The following PHACTR4 variants were observed in gnomAD, a reference collection of about 807,000 sequenced individuals.
PHACTR4 encodes the protein protein phosphatase 1, regulatory subunit 124.
A neutral mutation model predicts 72.7 loss-of-function variants in PHACTR4; 51 were observed. The observed-to-expected ratio is 0.70, with a 90% confidence interval of 0.56 to 0.89. PHACTR4 has a LOEUF of 0.89. Among genes scored for constraint, PHACTR4 ranks in the 40% least tolerant of loss-of-function variants. The probability of loss-of-function intolerance (pLI) is 0.00; values close to 1 mark genes in which losing one functional copy is unlikely to be tolerated. For synonymous variants in PHACTR4, 255 were observed against 302.5 expected, an observed-to-expected ratio of 0.84 and a Z score of 1.63; for missense variants, 731 against 861.8, an observed-to-expected ratio of 0.85 and a Z score of 1.90.
At chr1:28,464,760 A>G (rs1401982666) in intron 4 of PHACTR4, among the ~76,000 whole-genome samples, 2 of 151,838 alleles carry the variant, frequency 1.3e-5, no homozygotes, top group Non-Finnish European at 2.9e-5. Flanking sequence ...CTGGAGTGCA[A>G]TGACACAATC....
chr1:28,375,007 TAGA>T (rs1418249245), intron 1 of PHACTR4, among the ~76,000 whole-genome samples: 5 of 152,148 alleles, frequency 3.3e-5, no homozygotes, highest in Non-Finnish European at 5.9e-5. Flanking sequence ...TTACTACTAT[TAGA>T]AGAAGAGGCC....
intron 4 of PHACTR4, among the ~76,000 whole-genome samples, chr1:28,463,947 A>G (rs190434883): frequency 1.7e-3 from 257 of 151,468 alleles, no homozygotes; most frequent in Non-Finnish European, 2.8e-3. Context: ...TCGCAGGCTG[A>G]TCTCAAACTC....
chr1:28,480,394 T>C lies in PHACTR4; in HGVS notation c.1607-57T>C, dbSNP rs1179935267. On this transcript the variant is annotated intron_variant, in intron 8 of 13. Transcript: ENST00000373839. Reference sequence around the variant, plus strand: ...GACTCTTGACTAGCTCCAGGTAAGGTTGAACCTTTGGCTTTAAGCCTCAAG... The same window carrying C: ...GACTCTTGACTAGCTCCAGGTAAGGCTGAACCTTTGGCTTTAAGCCTCAAG... The C allele has an allele frequency of 2.0e-5, 32 of 1,596,806 alleles. No individual in the cohort carries two copies. The South Asian group carries it at 2.8e-4, about 14-fold the overall frequency.
At chr1:28,458,814 A>G (rs1374911979) in intron 2 of PHACTR4, among the ~76,000 whole-genome samples, 1 of 152,198 alleles carries the variant, frequency 6.6e-6, no homozygotes, top group Admixed American at 6.5e-5. Context: ...CGCCTTTAAA[A>G]GATTTTGAGC....
intron 1 of PHACTR4, among the ~76,000 whole-genome samples, chr1:28,390,229 A>G (rs1017508214): frequency 9.2e-5 from 14 of 152,092 alleles, no homozygotes; most frequent in African/African-American, 2.7e-4. Flanking sequence ...ATAGCACACT[A>G]TAGCCTCGAA....
intron 13 of PHACTR4, among the ~76,000 whole-genome samples, chr1:28,494,506 T>G (rs1016450460): frequency 6.6e-6 from 1 of 152,048 alleles, no homozygotes; most frequent in Non-Finnish European, 1.5e-5. Flanking sequence ...ATACAAAAAT[T>G]AGCCGGGCAT....
At chr1:28,479,210 C>G (rs1048530205) in intron 8 of PHACTR4, among the ~76,000 whole-genome samples, 1 of 151,994 alleles carries the variant, frequency 6.6e-6, no homozygotes, top group Non-Finnish European at 1.5e-5. Flanking sequence ...CACCTGAGGT[C>G]AGGAGTTCGA....
In PHACTR4 at chr1:28,425,180, C is replaced by T. The variant is rs553186116; in HGVS notation, c.16+17717C>T. On this transcript the variant is annotated intron_variant, in intron 2 of 13. Coordinates refer to ENST00000373839, the MANE Select transcript of PHACTR4 (RefSeq NM_001048183.3). ...TCACCCAATCTGGAGTGCATTGGCA[C>T]GATCTTCAGCTAACTGCAGCCTCCA... is the stretch of plus-strand genomic sequence containing the variant. Among the ~76,000 whole-genome samples the T allele has an allele frequency of 3.3e-5, 5 of 152,196 alleles. No homozygotes were observed. In the East Asian group the frequency reaches 5.8e-4, roughly 18 times the overall value.
chr1:28,395,846 A>T (rs1433473794), intron 1 of PHACTR4, among the ~76,000 whole-genome samples: 2,594 of 70,274 alleles, frequency 0.037, no homozygotes, highest in African/African-American at 0.058. Context: ...TTTTTTTAGT[A>T]GAGACGGGGT....
At chr1:28,439,667 C>T (rs989377321) in intron 2 of PHACTR4, among the ~76,000 whole-genome samples, 3 of 152,246 alleles carry the variant, frequency 2.0e-5, no homozygotes, top group African/African-American at 7.2e-5. Flanking sequence ...GGGCCACTCC[C>T]CAGCCTAACA....
intron 2 of PHACTR4, among the ~76,000 whole-genome samples, chr1:28,422,230 T>C (rs1487318952): frequency 6.6e-6 from 1 of 152,188 alleles, no homozygotes; most frequent in Non-Finnish European, 1.5e-5. Context: ...TTTCTGAGGG[T>C]TTCACATCCA....
intron 1 of PHACTR4, among the ~76,000 whole-genome samples, chr1:28,394,722 G>T (rs1369996490): frequency 6.6e-6 from 1 of 151,236 alleles, no homozygotes. Context: ...TCAGCCTCCC[G>T]AGTAGCTGGG....
At chr1:28,481,746 C>T (rs1405276754) in intron 9 of PHACTR4, among the ~76,000 whole-genome samples, 2 of 149,600 alleles carry the variant, frequency 1.3e-5, no homozygotes, top group Admixed American at 6.7e-5. Context: ...GCTGAGATCG[C>T]GCCACTGTAC....
In PHACTR4 at chr1:28,459,562, C is replaced by T. The variant is rs918548434; in HGVS notation, c.190+304C>T. Among the ~76,000 whole-genome samples the T allele has an allele frequency of 2.6e-5, 4 of 151,670 alleles. No homozygotes were observed. In the East Asian group the frequency reaches 5.8e-4, roughly 22 times the overall value. On this transcript the variant is annotated intron_variant, in intron 3 of 13. Transcript: ENST00000373839. ...AAGTACAAGCATGAGCTACTGTGCC[C>T]AGTTAATTTTTAAATTCTTTGTAGA...
chr1:28,408,842 ATTT>A (rs112708658), intron 2 of PHACTR4, among the ~76,000 whole-genome samples: 2 of 130,402 alleles, frequency 1.5e-5, no homozygotes, highest in East Asian at 2.3e-4. Flanking sequence ...TGCCCGACTG[ATTT>A]TTTTTTTTTT....
intron 9 of PHACTR4, among the ~76,000 whole-genome samples, chr1:28,482,409 G>A (rs1228833155): frequency 6.6e-6 from 1 of 152,052 alleles, no homozygotes; most frequent in Non-Finnish European, 1.5e-5. Context: ...CAAAGTGTTG[G>A]TATATTTTTC....
chr1:28,399,383 AG>A (rs1199683128), intron 1 of PHACTR4, among the ~76,000 whole-genome samples: 12 of 152,180 alleles, frequency 7.9e-5, no homozygotes, highest in Admixed American at 7.9e-4. Context: ...TTTTGAGTTT[AG>A]TATGTCTCTA....
intron 5 of PHACTR4, among the ~76,000 whole-genome samples, chr1:28,466,098 G>T (rs1192339336): frequency 5.9e-5 from 9 of 152,106 alleles, no homozygotes; most frequent in Admixed American, 1.3e-4. Context: ...ATTTTTTCCA[G>T]CTACACATTC....
intron 2 of PHACTR4, among the ~76,000 whole-genome samples, chr1:28,431,642 A>T (rs1569929416): frequency 1.3e-5 from 2 of 152,190 alleles, no homozygotes; most frequent in South Asian, 4.1e-4. Context: ...AAGACAATTC[A>T]AACTATACTT....
Sources: gnomAD v4.1 joint callset for allele counts (sites outside exome capture counted in the v4.1 genomes callset) on GRCh38, gnomAD v4.1.1 for gene constraint, MANE v1.5 for transcripts, NCBI Gene and HGNC (gene_info 2026-07-23, HGNC 2026-07-21) for gene names.